FUBP1: variants seen among roughly 807,000 people sequenced by gnomAD.
The protein encoded by FUBP1 is far upstream element binding protein 1.
FUBP1 carries 16 observed loss-of-function variants against 94.9 expected under a neutral mutation model. That is an observed-to-expected ratio of 0.17 (90% CI 0.11 to 0.26). The LOEUF (loss-of-function observed/expected upper bound fraction) is 0.26, where lower values mean the gene tolerates loss of function less well. Ranked by LOEUF, FUBP1 falls within the 10% of genes least tolerant of loss-of-function variation. The probability of loss-of-function intolerance (pLI) is 1.00; values close to 1 mark genes in which losing one functional copy is unlikely to be tolerated. For synonymous variants in FUBP1, 279 were observed against 254.9 expected, an observed-to-expected ratio of 1.09 and a Z score of -0.90; for missense variants, 583 against 808.6, an observed-to-expected ratio of 0.72 and a Z score of 3.38.
intron 7 of FUBP1, 130 bp downstream of exon 7, chr1:77,966,564 T>G: frequency 1.6e-6 from 1 of 626,930 alleles, no homozygotes. Context: ...TTCAAAGGAG[T>G]TGGAGGACTT....
At position 77,963,740 on chromosome 1, in the gene FUBP1, G is replaced by A. The variant is rs748524185; in HGVS notation, c.1042-25C>T. On this transcript the variant is annotated intron_variant, in intron 12 of 19. Coordinates refer to ENST00000370768, the MANE Select transcript of FUBP1 (RefSeq NM_003902.5). Reference sequence around the variant, plus strand: ...CCTATAGAGAGGGAAAGACAAGAACGAAGAGTCAGCACAGAAATACTTTTG... The same window carrying A: ...CCTATAGAGAGGGAAAGACAAGAACAAAGAGTCAGCACAGAAATACTTTTG... The A allele has an allele frequency of 1.8e-5, 29 of 1,574,606 alleles. No individual in the cohort carries two copies. In the East Asian group the frequency reaches 3.6e-4, roughly 19 times the overall value.
chr1:77,970,313 G>GCT (rs10685667), intron 1 of FUBP1, among the ~76,000 whole-genome samples: 44,418 of 151,866 alleles, frequency 0.29, 7,867 homozygotes, highest in African/African-American at 0.51. Flanking sequence ...ATCCTATCTG[G>GCT]CTCTGTCATG....
chr1:77,944,424 T>A lies in FUBP1; in HGVS notation c.*4342A>T, dbSNP rs1558003575. On this transcript the variant is annotated 3_prime_UTR_variant, in exon 20 of 20. Transcript: ENST00000370768. ...TATTTGCTTATTAAAAGCACCAATT[T>A]AAAAAAATCCCTCAAAAGCTTATAT... Among the ~76,000 whole-genome samples, 1 of 151,712 alleles carries A rather than the reference T, an allele frequency of 6.6e-6. No individual in the cohort carries two copies.
intron 7 of FUBP1, 31 bp downstream of exon 7, chr1:77,966,663 T>G (rs1459206853): frequency 9.2e-7 from 1 of 1,083,464 alleles, no homozygotes; most frequent in Non-Finnish European, 1.4e-6. Flanking sequence ...TGTTGTTACT[T>G]AAGTAGATTT....
In FUBP1 at chr1:77,946,350, A is replaced by G. The variant is rs184020139; in HGVS notation, c.*2416T>C. On this transcript the variant is annotated 3_prime_UTR_variant, in exon 20 of 20. Transcript: ENST00000370768. The stretch of plus-strand genomic sequence containing the variant: ...GTAAAATAAAAAACATTACCCAGAA[A>G]TGTAAACAGTTGCTTTAACAACTTA... 1 of 193,428 alleles carries G rather than the reference A, an allele frequency of 5.2e-6. No individual in the cohort carries two copies. Among genetic ancestry groups the G allele is most frequent in the Admixed American group, 6.1e-5 (1 of 16,306 alleles). 12.0% of individuals were successfully genotyped at this position (193,428 alleles called of 1,614,324 possible). A position where few individuals can be genotyped will look rare whatever the true frequency, so the allele number is the denominator to read the frequency against.
Position 77,948,653 on chromosome 1 carries a change from A to G in FUBP1, c.*113T>C. On this transcript the variant is annotated 3_prime_UTR_variant, in exon 20 of 20. Coordinates refer to ENST00000370768, the MANE Select transcript of FUBP1 (RefSeq NM_003902.5). ...AAAAAAAAAAAAAAAAGGAAACACT[A>G]TTTTAAACCAAAAACAAAATTAAGA... The G allele has an allele frequency of 2.8e-6, 4 of 1,424,702 alleles. No individual in the cohort carries two copies. The highest frequency in any genetic ancestry group is 2.6e-5 in the East Asian group (1 of 39,150). The allele number at this position is 1,424,702 out of a possible 1,614,324, so 88.3% of individuals were successfully genotyped here.
chr1:77,969,737 A>G (rs1657165108), intron 2 of FUBP1, among the ~76,000 whole-genome samples, 188 bp downstream of exon 2: 1 of 152,096 alleles, frequency 6.6e-6, no homozygotes, highest in Non-Finnish European at 1.5e-5. Flanking sequence ...AATTTTTTAA[A>G]AAATTTCTTT....
intron 18 of FUBP1, among the ~76,000 whole-genome samples, chr1:77,951,882 G>C (rs1478733273): frequency 1.3e-5 from 2 of 151,956 alleles, no homozygotes; most frequent in East Asian, 3.9e-4. Flanking sequence ...CCCTCCTTTA[G>C]GCTTAAGGTA....
chr1:77,975,475 TA>T (rs1658424002), intron 1 of FUBP1, among the ~76,000 whole-genome samples: 1 of 152,066 alleles, frequency 6.6e-6, no homozygotes, highest in African/African-American at 2.4e-5. Context: ...TTATGCAGCC[TA>T]AATCACTTTT....
At chr1:77,959,796 G>C (rs1313095657) in intron 16 of FUBP1, among the ~76,000 whole-genome samples, 1 of 152,182 alleles carries the variant, frequency 6.6e-6, no homozygotes, top group Non-Finnish European at 1.5e-5. Context: ...TTACAGACGT[G>C]AGCCTCAGTG....
chr1:77,971,823 C>A (rs1657593972), intron 1 of FUBP1, among the ~76,000 whole-genome samples: 1 of 151,758 alleles, frequency 6.6e-6, no homozygotes, highest in Non-Finnish European at 1.5e-5. Context: ...GCCTGACCAA[C>A]ATGGAGAAAC....
At chr1:77,967,566 G>A (rs1234172984) in intron 4 of FUBP1, 61 bp downstream of exon 4, 11 of 1,329,564 alleles carry the variant, frequency 8.3e-6, no homozygotes, top group South Asian at 1.3e-5. Flanking sequence ...ATGTGGTTGT[G>A]TTTTTACATA....
chr1:77,962,674 A>G (rs896576075), intron 14 of FUBP1, 96 bp downstream of exon 14: 15 of 668,542 alleles, frequency 2.2e-5, no homozygotes, highest in African/African-American at 2.2e-4. Flanking sequence ...CTGACTAGTA[A>G]TGATACATTT....
In FUBP1 at chr1:77,964,364, AAAAAAGAC is replaced by A; in HGVS notation, c.838-16_838-9del. 1 of 1,493,102 alleles carries A rather than the reference AAAAAAGAC, an allele frequency of 6.7e-7. No individual in the cohort carries two copies. Among genetic ancestry groups the A allele is most frequent in the Non-Finnish European group, 9.3e-7 (1 of 1,080,586 alleles). 92.5% of individuals were successfully genotyped at this position (1,493,102 alleles called of 1,614,324 possible). ...AAATCTTGGAATGGGGACCTTATGT[AAAAAAGAC>A]TAAGTATTAAGAAAGCTAGCTTCTC... is the stretch of plus-strand genomic sequence containing the variant. On this transcript the variant is annotated splice_polypyrimidine_tract_variant and intron_variant, in intron 10 of 19. Transcript: ENST00000370768.
At position 77,946,677 on chromosome 1, in the gene FUBP1, A is replaced by C; in HGVS notation, c.*2089T>G. 4.9e-6 allele frequency: 1 copy of C among 204,888 alleles called. No homozygotes were observed. Among genetic ancestry groups the C allele is most frequent in the East Asian group, 7.5e-5 (1 of 13,394 alleles). The allele number at this position is 204,888 out of a possible 1,614,324, so 12.7% of individuals were successfully genotyped here. A position where few individuals can be genotyped will look rare whatever the true frequency, so the allele number is the denominator to read the frequency against. On this transcript the variant is annotated 3_prime_UTR_variant, in exon 20 of 20. Transcript: ENST00000370768. ...TCCAATTTGTGAATTATGATACTGA[A>C]TTCAACTGAACTACTTCTTCAGTTC...
intron 16 of FUBP1, among the ~76,000 whole-genome samples, chr1:77,959,514 T>TTATA (rs139330720): frequency 2.6e-5 from 4 of 151,678 alleles, no homozygotes; most frequent in South Asian, 2.1e-4. Flanking sequence ...TGTTGGACTG[T>TTATA]TATATATATA....
At chr1:77,973,446 T>C (rs1367904832) in intron 1 of FUBP1, among the ~76,000 whole-genome samples, 2 of 152,040 alleles carry the variant, frequency 1.3e-5, no homozygotes, top group East Asian at 1.9e-4. Flanking sequence ...GGGTTTCACC[T>C]TGTTGGCCAG....
Position 77,960,378 on chromosome 1 carries a change from G to A in FUBP1, c.1462C>T (p.Pro488Ser), listed in dbSNP as rs1041241847. The change falls in exon 15 of 20, where the codon CCT becomes TCT. Residue 488 changes from proline (P) to serine (S), a missense_variant. Transcript: ENST00000370768. ...GGGCCTGGTGGTCCAGGATTATAAGGTGCAGGGTTGTATGGTCCCATTGGA... is the reference window on the plus strand; with the variant it reads ...GGGCCTGGTGGTCCAGGATTATAAGATGCAGGGTTGTATGGTCCCATTGGA... ...GTPMGPYNPAPYNPGPPGPAP... is the reference protein window; with the variant it reads ...GTPMGPYNPASYNPGPPGPAP... 8 of 1,606,410 alleles carry A rather than the reference G, an allele frequency of 5.0e-6. No individual in the cohort carries two copies. Among genetic ancestry groups the A allele is most frequent in the Non-Finnish European group, 6.8e-6 (8 of 1,178,580 alleles).
intron 1 of FUBP1, among the ~76,000 whole-genome samples, chr1:77,976,646 A>G (rs943002489): frequency 6.6e-6 from 1 of 152,128 alleles, no homozygotes; most frequent in Non-Finnish European, 1.5e-5. Context: ...GGCACAGGCC[A>G]CCAAGCCCGG....
Sources: gnomAD v4.1 joint callset for allele counts (sites outside exome capture counted in the v4.1 genomes callset) on GRCh38, gnomAD v4.1.1 for gene constraint, MANE v1.5 for transcripts, NCBI Gene and HGNC (gene_info 2026-07-23, HGNC 2026-07-21) for gene names.